Variants in DNAAF1 observed in about 807,000 individuals in gnomAD.
The protein encoded by DNAAF1 is dynein axonemal assembly factor 1.
Under a neutral mutation model 71.1 loss-of-function variants are expected in DNAAF1, and 65 were observed. The observed-to-expected ratio is 0.91, with a 90% CI of 0.75 to 1.12. DNAAF1 has a LOEUF of 1.12. DNAAF1 is among the 50% of genes most tolerant of loss of function. DNAAF1 has a pLI of 0.00. For missense variants in DNAAF1, 1,178 were observed against 899.8 expected (o/e 1.31, Z -3.96); for synonymous variants, 414 against 354.6 (o/e 1.17, Z -1.88).
intron 1 of DNAAF1, among the ~76,000 whole-genome samples, chr16:84,148,265 C>T (rs779549072): frequency 2.0e-5 from 3 of 151,918 alleles, no homozygotes; most frequent in Non-Finnish European, 4.4e-5. Flanking sequence ...ATATGGTATC[C>T]TGTGCTTATT....
chr16:84,152,647 C>CA (rs574069319), intron 3 of DNAAF1, among the ~76,000 whole-genome samples: 1,316 of 67,872 alleles, frequency 0.019, 16 homozygotes, highest in South Asian at 0.057. Flanking sequence ...GATTCTGTCT[C>CA]AAAAAAAAAA....
At chr16:84,149,783 G>A (rs1406989714) in intron 2 of DNAAF1, among the ~76,000 whole-genome samples, 1 of 151,872 alleles carries the variant, frequency 6.6e-6, no homozygotes, top group Non-Finnish European at 1.5e-5. Context: ...CCAGTACTTT[G>A]GGAGGCCAAG....
intron 3 of DNAAF1, among the ~76,000 whole-genome samples, chr16:84,151,730 C>T (rs2087192885): frequency 6.6e-6 from 1 of 152,172 alleles, no homozygotes; most frequent in African/African-American, 2.4e-5. Context: ...AGGCAGTAGC[C>T]AGACTGTCAG....
chr16:84,156,374 G>A (rs1173233248), intron 5 of DNAAF1, among the ~76,000 whole-genome samples: 2 of 152,176 alleles, frequency 1.3e-5, no homozygotes, highest in African/African-American at 4.8e-5. Context: ...TGCTGGCCCT[G>A]GTATTTCCTG....
intron 7 of DNAAF1, 74 bp from the exon 8 acceptor site, chr16:84,169,785 C>A: frequency 6.3e-7 from 1 of 1,593,628 alleles, no homozygotes; most frequent in Non-Finnish European, 8.6e-7. Flanking sequence ...TTGCTGTGAG[C>A]CCTTGATGTA....
intron 1 of DNAAF1, among the ~76,000 whole-genome samples, chr16:84,145,813 C>T (rs2086874126): frequency 6.6e-6 from 1 of 152,182 alleles, no homozygotes; most frequent in African/African-American, 2.4e-5. Flanking sequence ...AGAGACTTGG[C>T]CGGGTGCGGT....
rs1597438293 is a variant in DNAAF1, at chr16:84,159,672, C to T, written c.742-3C>T. The stretch of plus-strand genomic sequence containing the variant: ...CATTTTGGTTCTGCTTGTCTTCTTG[C>T]AGCGTGTACTGAATTTGATGGGAAA... On this transcript the variant is annotated splice_polypyrimidine_tract_variant and splice_region_variant and intron_variant, in intron 5 of 11. Coordinates refer to ENST00000378553, the MANE Select transcript of DNAAF1 (RefSeq NM_178452.6). The T allele has an allele frequency of 1.9e-6, 3 of 1,609,546 alleles. No individual in the cohort carries two copies. The highest frequency in any genetic ancestry group is 2.7e-5 in the African/African-American group (2 of 74,740).
chr16:84,167,540 C>G (rs1342427487), intron 7 of DNAAF1, among the ~76,000 whole-genome samples: 1 of 152,200 alleles, frequency 6.6e-6, no homozygotes, highest in Non-Finnish European at 1.5e-5. Context: ...GTGCCTGTCA[C>G]TCTGGATGCA....
intron 10 of DNAAF1, 156 bp downstream of exon 10, chr16:84,174,878 C>G (rs2088570368): frequency 9.8e-7 from 1 of 1,018,764 alleles, no homozygotes; most frequent in African/African-American, 1.6e-5. Context: ...TCTTTTCAGG[C>G]AGAGTCTGGC....
intron 4 of DNAAF1, among the ~76,000 whole-genome samples, chr16:84,155,332 G>A (rs1026589171): frequency 6.6e-6 from 1 of 152,112 alleles, no homozygotes; most frequent in Non-Finnish European, 1.5e-5. Flanking sequence ...GGTCTCAAGC[G>A]ATCCTCCCAC....
chr16:84,160,842 G>GC (rs1439820386), intron 6 of DNAAF1, among the ~76,000 whole-genome samples: 1 of 151,828 alleles, frequency 6.6e-6, no homozygotes, highest in African/African-American at 2.4e-5. Flanking sequence ...GGAGGCTGAG[G>GC]AGGAGAATGG....
rs117306571 is a variant in DNAAF1 at position 84,174,587 on chromosome 16, C to T, written c.1645-82C>T. The stretch of plus-strand genomic sequence containing the variant: ...ACTGTAACTAAGGCTGGGTTGACTG[C>T]GTGTTTGCCTTTATCGTGCCTATCA... On this transcript the variant is annotated intron_variant, in intron 9 of 11. Coordinates refer to ENST00000378553, the MANE Select transcript of DNAAF1 (RefSeq NM_178452.6). The T allele has an allele frequency of 2.3e-3, 3,673 of 1,612,216 alleles. 58 individuals carry two copies. The East Asian group carries it at 0.041, about 18-fold the overall frequency.
intron 3 of DNAAF1, 119 bp from the exon 4 acceptor site, chr16:84,154,458 G>A: frequency 2.3e-6 from 2 of 874,030 alleles, no homozygotes; most frequent in Non-Finnish European, 3.7e-6. Context: ...GGATTTCAAT[G>A]TATGAATTTT....
intron 5 of DNAAF1, among the ~76,000 whole-genome samples, chr16:84,156,228 G>T (rs527987529): frequency 3.2e-4 from 49 of 152,318 alleles, no homozygotes; most frequent in African/African-American, 9.4e-4. Context: ...CTCCCAAAGT[G>T]CTGGGATTAC....
In DNAAF1 at chr16:84,167,646, C is replaced by G. The variant is rs551428357; in HGVS notation, c.1030+1697C>G. Among the ~76,000 whole-genome samples, 9 of 152,310 alleles carry G rather than the reference C, an allele frequency of 5.9e-5. No homozygotes were observed. The East Asian group carries it at 1.7e-3, about 29-fold the overall frequency. The stretch of plus-strand genomic sequence containing the variant: ...CCCCTATGTACAGGGGTTTTAGGAG[C>G]TCTGTTTCAGAGATCTATGTATCTT... On this transcript the variant is annotated intron_variant, in intron 7 of 11. Transcript: ENST00000378553.
In DNAAF1 at chr16:84,155,654, C is replaced by G; in HGVS notation, c.646C>G (p.Leu216Val). 12 of 1,614,200 alleles carry G rather than the reference C, an allele frequency of 7.4e-6. No homozygotes were observed. Among genetic ancestry groups the G allele is most frequent in the Non-Finnish European group, 1.0e-5 (12 of 1,180,046 alleles). ...HLETVEDIQHLQECLRLCVLD... is the reference protein window; with the variant it reads ...HLETVEDIQHVQECLRLCVLD... ...GGAGACCGTGGAGGACATTCAGCATCTACAAGAGTGTTTGAGGCTTTGTGT... is the reference window on the plus strand; with the variant it reads ...GGAGACCGTGGAGGACATTCAGCATGTACAAGAGTGTTTGAGGCTTTGTGT... Residue 216 changes from leucine (L) to valine (V), a missense_variant, in exon 5 of 12, where the codon CTA (leucine) becomes GTA (valine). Coordinates refer to ENST00000378553, the MANE Select transcript of DNAAF1 (RefSeq NM_178452.6).
At chr16:84,163,642 G>C (rs1003325471) in intron 6 of DNAAF1, among the ~76,000 whole-genome samples, 2 of 152,008 alleles carry the variant, frequency 1.3e-5, no homozygotes, top group African/African-American at 4.8e-5. Flanking sequence ...GCCTCCCAAA[G>C]TGCTAGGATT....
intron 3 of DNAAF1, among the ~76,000 whole-genome samples, chr16:84,153,309 G>A (rs1157218801): frequency 6.6e-6 from 1 of 152,138 alleles, no homozygotes; most frequent in Non-Finnish European, 1.5e-5. Context: ...CCTAGGTGAT[G>A]GGATGACCTA....
intron 3 of DNAAF1, among the ~76,000 whole-genome samples, chr16:84,151,763 C>T (rs968797647): frequency 2.6e-5 from 4 of 152,196 alleles, no homozygotes; most frequent in Admixed American, 1.3e-4. Context: ...CATTCGATGG[C>T]TTGACGAGGG....
Sources: allele counts gnomAD v4.1 joint callset (sites outside exome capture counted in the v4.1 genomes callset), GRCh38; gene constraint gnomAD v4.1.1; transcripts MANE v1.5; gene names NCBI Gene and HGNC (gene_info 2026-07-23, HGNC 2026-07-21).